DIPK1A: variants seen among roughly 807,000 people sequenced by gnomAD.
The protein encoded by DIPK1A is divergent protein kinase domain 1A.
A neutral mutation model predicts 40.8 loss-of-function variants in DIPK1A; 27 were observed. The observed-to-expected ratio is 0.66, with a 90% CI of 0.49 to 0.91. DIPK1A has a LOEUF of 0.91. Among genes scored for constraint, DIPK1A ranks in the 40% least tolerant of loss-of-function variants. The pLI is 0.00. For synonymous variants in DIPK1A, 166 were observed against 171.3 expected (o/e 0.97, Z 0.24); for missense variants, 412 against 505.7 (o/e 0.81, Z 1.78).
chr1:92,833,782 A>T, intron 4 of DIPK1A: 1 of 788,020 alleles, frequency 1.3e-6, no homozygotes, highest in Non-Finnish European at 2.1e-6. Flanking sequence ...CCAGTGAATA[A>T]TTTTTCCTTT....
chr1:92,917,111 C>A (rs982323547), intron 1 of DIPK1A, among the ~76,000 whole-genome samples: 1 of 152,106 alleles, frequency 6.6e-6, no homozygotes, highest in African/African-American at 2.4e-5. Flanking sequence ...TTATAATAGT[C>A]ATTTTCAGTG....
intron 1 of DIPK1A, among the ~76,000 whole-genome samples, chr1:92,957,048 C>G (rs1474837896): frequency 6.6e-6 from 1 of 152,198 alleles, no homozygotes; most frequent in Non-Finnish European, 1.5e-5. Flanking sequence ...GAGAATTATG[C>G]TGAATTGTCT....
intron 2 of DIPK1A, among the ~76,000 whole-genome samples, chr1:92,872,261 T>C (rs1443015708): frequency 6.6e-6 from 1 of 151,862 alleles, no homozygotes; most frequent in African/African-American, 2.4e-5. Context: ...TTTGTATTTT[T>C]AGTAGAGACA....
At chr1:92,897,750 CT>C (rs143673044) in intron 1 of DIPK1A, among the ~76,000 whole-genome samples, 1,799 of 139,980 alleles carry the variant, frequency 0.013, 14 homozygotes, top group African/African-American at 0.019. Context: ...TCAGAAGTTC[CT>C]TTTTTTTTTT....
intron 2 of DIPK1A, among the ~76,000 whole-genome samples, chr1:92,858,828 G>T (rs572495723): frequency 6.6e-6 from 1 of 152,100 alleles, no homozygotes; most frequent in South Asian, 2.1e-4. Flanking sequence ...TTGTTTTGTT[G>T]TTTTTCAGGC....
intron 1 of DIPK1A, among the ~76,000 whole-genome samples, chr1:92,907,340 G>T (rs1199064479): frequency 6.6e-6 from 1 of 152,056 alleles, no homozygotes; most frequent in African/African-American, 2.4e-5. Flanking sequence ...TTAAAAAATT[G>T]AATCAGATCA....
chr1:92,904,552 A>T (rs1262426336), intron 1 of DIPK1A, among the ~76,000 whole-genome samples: 2 of 152,138 alleles, frequency 1.3e-5, no homozygotes, highest in Non-Finnish European at 2.9e-5. Context: ...ATAGGTGTAT[A>T]TATTTATGAG....
intron 1 of DIPK1A, chr1:92,931,020 T>A (rs562822726): frequency 2.6e-4 from 39 of 152,380 alleles, no homozygotes; most frequent in African/African-American, 9.1e-4. Flanking sequence ...CTTCTAGTAC[T>A]TCATTCTTTG....
chr1:92,921,002 C>T (rs1183246964), intron 1 of DIPK1A, among the ~76,000 whole-genome samples: 1 of 152,050 alleles, frequency 6.6e-6, no homozygotes. Flanking sequence ...AAATGGCCAC[C>T]CACAGAGTAG....
chr1:92,862,750 T>A (rs933968991), intron 2 of DIPK1A, among the ~76,000 whole-genome samples: 2 of 152,196 alleles, frequency 1.3e-5, no homozygotes, highest in Non-Finnish European at 2.9e-5. Flanking sequence ...AGGTCTGTTA[T>A]GAGTTTGACC....
chr1:92,939,153 C>T (rs546236622), intron 1 of DIPK1A, among the ~76,000 whole-genome samples: 113 of 152,298 alleles, frequency 7.4e-4, no homozygotes, highest in African/African-American at 2.4e-3. Flanking sequence ...CTGCCCACCT[C>T]GGCCTCTCAA....
chr1:92,861,965 A>G (rs1398352888), intron 2 of DIPK1A, among the ~76,000 whole-genome samples: 5 of 152,138 alleles, frequency 3.3e-5, no homozygotes, highest in Non-Finnish European at 1.5e-5. Flanking sequence ...TTTTTTGTAG[A>G]GACGAGGTTT....
intron 1 of DIPK1A, among the ~76,000 whole-genome samples, chr1:92,906,338 T>C (rs1156413711): frequency 1.3e-5 from 2 of 152,192 alleles, no homozygotes; most frequent in South Asian, 2.1e-4. Flanking sequence ...TTAGCTAGCA[T>C]AGAAGCACAA....
intron 2 of DIPK1A, among the ~76,000 whole-genome samples, chr1:92,869,898 G>A (rs1240223066): frequency 6.6e-6 from 1 of 152,092 alleles, no homozygotes; most frequent in African/African-American, 2.4e-5. Flanking sequence ...AGGACCAGAA[G>A]TATGTGTGGA....
chr1:92,944,049 A>G (rs1651273045), intron 1 of DIPK1A, among the ~76,000 whole-genome samples: 1 of 152,208 alleles, frequency 6.6e-6, no homozygotes, highest in Admixed American at 6.5e-5. Context: ...ATAGGAAACC[A>G]TAAAAAGAAA....
chr1:92,846,817 A>ATGTG (rs1452261772), intron 4 of DIPK1A, among the ~76,000 whole-genome samples: 327 of 5,710 alleles, frequency 0.057, 73 homozygotes, highest in South Asian at 0.095. Flanking sequence ...ATATATATAT[A>ATGTG]TATATATATA....
intron 1 of DIPK1A, among the ~76,000 whole-genome samples, chr1:92,893,505 C>A (rs999668271): frequency 1.3e-5 from 2 of 151,958 alleles, no homozygotes; most frequent in African/African-American, 4.8e-5. Context: ...GAAGGAAGCA[C>A]TAAACATGGA....
intron 1 of DIPK1A, among the ~76,000 whole-genome samples, chr1:92,942,204 T>A (rs1420698793): frequency 1.3e-5 from 2 of 152,184 alleles, no homozygotes; most frequent in African/African-American, 4.8e-5. Context: ...TAAAGCATAA[T>A]AATTAAGGCT....
Position 92,850,904 on chromosome 1 carries a change from A to G in DIPK1A, c.241T>C (p.Cys81Arg), listed in dbSNP as rs1327503666. The G allele has an allele frequency of 1.1e-5, 18 of 1,576,380 alleles. No homozygotes were observed. The change falls in exon 3 of 5, where the codon TGT becomes CGT. Residue 81 changes from cysteine to arginine, a missense_variant. Transcript: ENST00000370310. ...VIDGPACNSL[C>R]VTETLYFGKC... is the part of the protein sequence containing the mutation. ...CCAAAGTAAAGAGTTTCTGTAACAC[A>G]AAGGCTGTTACATGCAGGCCCATCA...
Sources: allele counts gnomAD v4.1 joint callset (sites outside exome capture counted in the v4.1 genomes callset), GRCh38; gene constraint gnomAD v4.1.1; transcripts MANE v1.5; gene names NCBI Gene and HGNC (gene_info 2026-07-23, HGNC 2026-07-21).